Variants in HTT observed in about 807,000 individuals in gnomAD.
HTT encodes the protein huntingtin.
A neutral mutation model predicts 362.3 loss-of-function variants in HTT; 104 were observed. That is an observed-to-expected ratio of 0.29 (90% confidence interval 0.24 to 0.34). HTT has a LOEUF of 0.34. Among genes scored for constraint, HTT ranks in the 10% least tolerant of loss-of-function variants. The pLI, the probability that HTT is intolerant of heterozygous loss-of-function variation, is 1.00. For synonymous variants in HTT, 1,577 were observed against 1,548.7 expected (o/e 1.02, Z -0.43); for missense variants, 3,301 against 3,928.6 (o/e 0.84, Z 4.27).
chr4:3,119,732 G>A (rs1715203684), intron 8 of HTT, among the ~76,000 whole-genome samples: 1 of 152,080 alleles, frequency 6.6e-6, no homozygotes, highest in Non-Finnish European at 1.5e-5. Flanking sequence ...AATTTAGGAG[G>A]GGGCAGATGA....
rs369908356 is a variant in HTT at position 3,209,915 on chromosome 4, C to T, written c.6380C>T (p.Pro2127Leu). The T allele has an allele frequency of 3.1e-6, 5 of 1,614,010 alleles. No individual in the cohort carries two copies. The African/African-American group carries it at 5.3e-5, about 17-fold the overall frequency. Residue 2127 changes from proline (P) to leucine (L), a missense_variant, in exon 47 of 67, where the codon CCT becomes CTT. Physicochemically the swap from Pro to Leu is moderately conservative, Grantham distance 98. Around this residue, in one of 4 missense-constraint regions of HTT, gnomAD observed 2,316 missense variants for 2,658.5 expected, o/e 0.87. Transcript: ENST00000355072. Reference protein sequence around the residue: ...LEGAELVNRIPAEDMNAFMMN... With the variant: ...LEGAELVNRILAEDMNAFMMN... ...GGTGCAGAGCTGGTGAATCGGATTC[C>T]TGCTGAAGATATGAATGCCTTCATG...
chr4:3,146,842 C>G lies in HTT; in HGVS notation c.3189C>G (p.Thr1063=). Residue 1063 remains threonine, a synonymous_variant, in exon 25 of 67, where the codon ACC becomes ACG. Transcript: ENST00000355072. ...CAGATGAGTCTAGGAAGAGCTGTAC[C>G]GTTGGGATGGCCACAATGATTCTGA... ...SASDESRKSC[T]VGMATMILTL... The G allele has an allele frequency of 1.2e-6, 2 of 1,614,070 alleles. No individual in the cohort carries two copies. The highest frequency in any genetic ancestry group is 2.2e-5 in the East Asian group (1 of 44,890).
chr4:3,099,225 C>T, intron 2 of HTT, 49 bp from the exon 3 acceptor site: 1 of 1,301,366 alleles, frequency 7.7e-7, no homozygotes, highest in Non-Finnish European at 1.1e-6. Flanking sequence ...ATTTCATTGT[C>T]ATGTCACCTT....
Position 3,233,184 on chromosome 4 carries a change from G to A in HTT, c.8287G>A (p.Val2763Ile). The A allele has an allele frequency of 6.3e-7, 1 of 1,590,214 alleles. No individual in the cohort carries two copies. The highest frequency in any genetic ancestry group is 8.6e-7 in the Non-Finnish European group (1 of 1,160,968). Residue 2763 changes from valine to isoleucine, a missense_variant, in exon 61 of 67, where the codon GTC becomes ATC. Val to Ile is a conservative substitution (Grantham distance 29). This residue lies in a region of HTT where 753 missense variants were observed against 1,021.3 expected (regional missense o/e 0.74). Coordinates refer to ENST00000355072, the MANE Select transcript of HTT (RefSeq NM_001388492.1). Reference protein sequence around the residue: ...LGMDKAVAEPVSRLLESTLRS... With the variant: ...LGMDKAVAEPISRLLESTLRS... Reference sequence around the variant, plus strand: ...CTAGGACAAGGCCGTGGCGGAGCCTGTCAGCCGCCTGCTGGAGAGCACGCT... The same window carrying A: ...CTAGGACAAGGCCGTGGCGGAGCCTATCAGCCGCCTGCTGGAGAGCACGCT...
Position 3,099,296 on chromosome 4 carries a change from C to A in HTT, c.370C>A (p.Leu124Ile). Residue 124 changes from leucine to isoleucine, a missense_variant, in exon 3 of 67, where the codon CTT (leucine) becomes ATT (isoleucine). Coordinates refer to ENST00000355072, the MANE Select transcript of HTT (RefSeq NM_001388492.1). ...SVRNSPEFQK[L>I]LGIAMELFLL... ...TAGAAATTCTCCAGAATTTCAGAAA[C>A]TTCTGGGCATCGCTATGGAACTTTT... is the stretch of plus-strand genomic sequence containing the variant. The A allele has an allele frequency of 6.2e-7, 1 of 1,613,558 alleles. No individual in the cohort carries two copies. The highest frequency in any genetic ancestry group is 8.5e-7 in the Non-Finnish European group (1 of 1,179,502).
At chr4:3,181,708 T>A (rs896327646) in intron 36 of HTT, among the ~76,000 whole-genome samples, 7 of 152,194 alleles carry the variant, frequency 4.6e-5, no homozygotes, top group Non-Finnish European at 1.0e-4. Flanking sequence ...AATCACATAA[T>A]TGCAATGCAA....
At chr4:3,144,462 C>A (rs531706756) in intron 23 of HTT, among the ~76,000 whole-genome samples, 7 of 152,062 alleles carry the variant, frequency 4.6e-5, no homozygotes, top group African/African-American at 9.7e-5. Context: ...GAATTACAGG[C>A]GTGTGGCACC....
At chr4:3,168,495 AAAT>A (rs1383034646) in intron 29 of HTT, among the ~76,000 whole-genome samples, 1 of 152,246 alleles carries the variant, frequency 6.6e-6, no homozygotes, top group Admixed American at 6.5e-5. Context: ...TAGGAATAAA[AAAT>A]AATAATTCCA....
chr4:3,229,735 C>A, intron 59 of HTT, 152 bp from the exon 60 acceptor site: 1 of 815,804 alleles, frequency 1.2e-6, no homozygotes, highest in Non-Finnish European at 2.0e-6. Context: ...ACAGCACACG[C>A]ATACACCACA....
intron 41 of HTT, among the ~76,000 whole-genome samples, chr4:3,201,121 C>G (rs554421126): frequency 6.6e-6 from 1 of 152,374 alleles, no homozygotes; most frequent in Middle Eastern, 3.4e-3. Flanking sequence ...CCTCTGAGGG[C>G]AAACTACAGC....
intron 2 of HTT, among the ~76,000 whole-genome samples, chr4:3,090,951 A>G: frequency 6.6e-6 from 1 of 152,126 alleles, no homozygotes; most frequent in East Asian, 1.9e-4. Context: ...GCCTCTACTA[A>G]AAATACAAAA....
chr4:3,076,366 T>C (rs1712550969), intron 1 of HTT, among the ~76,000 whole-genome samples: 4 of 152,226 alleles, frequency 2.6e-5, no homozygotes. Flanking sequence ...ATATCTCTGT[T>C]AAGACTGATT....
chr4:3,111,634 G>A (rs1457177085), intron 6 of HTT, among the ~76,000 whole-genome samples: 1 of 152,232 alleles, frequency 6.6e-6, no homozygotes, highest in Non-Finnish European at 1.5e-5. Flanking sequence ...GGGACTGACA[G>A]TGTTGCTGGT....
At position 3,240,079 on chromosome 4, in the gene HTT, T is replaced by G; in HGVS notation, c.*20T>G. ...TGCTGAGCGCCATGGTGGGAGAGAC[T>G]GTGAGGCGGCAGCTGGGGCCGGAGC... is the stretch of plus-strand genomic sequence containing the variant. On this transcript the variant is annotated 3_prime_UTR_variant, in exon 67 of 67. Transcript: ENST00000355072. 1.3e-6 allele frequency: 2 copies of G among 1,559,764 alleles called. No individual in the cohort carries two copies. Among genetic ancestry groups the G allele is most frequent in the Non-Finnish European group, 1.7e-6 (2 of 1,147,676 alleles).
intron 21 of HTT, 50 bp from the exon 22 acceptor site, chr4:3,140,459 AG>A (rs756730590): frequency 1.3e-6 from 2 of 1,568,436 alleles, no homozygotes; most frequent in Non-Finnish European, 1.8e-6. Flanking sequence ...GGTCTATCAC[AG>A]GTGAGTTTCA....
At chr4:3,091,082 A>T (rs139445132) in intron 2 of HTT, among the ~76,000 whole-genome samples, 96 of 152,372 alleles carry the variant, frequency 6.3e-4, no homozygotes, top group African/African-American at 2.0e-3. Context: ...ACTGCATTCC[A>T]GCCTGGGCGA....
chr4:3,166,754 G>A (rs1717733140), intron 29 of HTT, among the ~76,000 whole-genome samples: 1 of 152,266 alleles, frequency 6.6e-6, no homozygotes. Context: ...CCAGGCACAG[G>A]AGAGAATCTC....
In HTT at chr4:3,125,550, C is replaced by T; in HGVS notation, c.1323C>T (p.Gly441=). The T allele has an allele frequency of 6.2e-7, 1 of 1,610,334 alleles. No homozygotes were observed. Among genetic ancestry groups the T allele is most frequent in the East Asian group, 2.2e-5 (1 of 44,832 alleles). Residue 441 remains glycine (G), a splice_region_variant and synonymous_variant, in exon 11 of 67, where the codon GGC becomes GGT. Transcript: ENST00000355072. ...CSPVLSRKQK[G]KVLLGEEEAL... ...GAATGTTGGTACATTATTTACTAGGCAAAGTGCTCTTAGGAGAAGAAGAAG... is the reference window on the plus strand; with the variant it reads ...GAATGTTGGTACATTATTTACTAGGTAAAGTGCTCTTAGGAGAAGAAGAAG...
chr4:3,234,432 G>A (rs1286417980), intron 61 of HTT, among the ~76,000 whole-genome samples: 1 of 152,274 alleles, frequency 6.6e-6, no homozygotes, highest in Admixed American at 6.5e-5. Flanking sequence ...CAAGTCACAC[G>A]GGGCACAGGC....
Sources: allele counts gnomAD v4.1 joint callset (sites outside exome capture counted in the v4.1 genomes callset), GRCh38; gene constraint gnomAD v4.1.1; regional missense constraint gnomAD v4.1.1; transcripts MANE v1.5; gene names NCBI Gene and HGNC (gene_info 2026-07-23, HGNC 2026-07-21).